USP34: variants seen among roughly 807,000 people sequenced by gnomAD.
USP34 encodes ubiquitin specific peptidase 34, also known as ubiquitin carboxyl-terminal hydrolase 34.
A neutral mutation model predicts 460.3 loss-of-function variants in USP34; 70 were observed. That is an observed-to-expected ratio of 0.15 (90% CI 0.13 to 0.19). The LOEUF is 0.19. Ranked by LOEUF, USP34 falls within the 10% of genes least tolerant of loss-of-function variation. USP34 has a pLI of 1.00. For synonymous variants in USP34, 1,647 were observed against 1,405.3 expected, an observed-to-expected ratio of 1.17 and a Z score of -3.85; for missense variants, 3,985 against 4,236.2, an observed-to-expected ratio of 0.94 and a Z score of 1.65.
At position 61,430,196 on chromosome 2, in the gene USP34, C is replaced by T. The variant is rs528011482; in HGVS notation, c.44-9363G>A. On this transcript the variant is annotated intron_variant, in intron 1 of 79. Coordinates refer to ENST00000398571, the MANE Select transcript of USP34 (RefSeq NM_014709.4). ...TGCCACTGCACTCCCGCCTGGGCGACAGAGCGAGTCTTCGTCACAAAAAAA... is the reference window on the plus strand; with the variant it reads ...TGCCACTGCACTCCCGCCTGGGCGATAGAGCGAGTCTTCGTCACAAAAAAA... Among the ~76,000 whole-genome samples, 239 of 132,210 alleles carry T rather than the reference C, an allele frequency of 1.8e-3. 1 individual carries two copies. Among genetic ancestry groups the T allele is most frequent in the Non-Finnish European group, 2.9e-3 (190 of 64,834 alleles). 86.7% of individuals were successfully genotyped at this position (132,210 alleles called of 152,430 possible).
chr2:61,342,834 T>C (rs1691648362), intron 16 of USP34, among the ~76,000 whole-genome samples: 1 of 152,134 alleles, frequency 6.6e-6, no homozygotes, highest in Admixed American at 6.5e-5. Flanking sequence ...CTCCACGCAG[T>C]AAAAAATAGG....
chr2:61,315,374 A>AT lies in USP34; in HGVS notation c.3283-401dup, dbSNP rs776500310. On this transcript the variant is annotated intron_variant, in intron 23 of 79. Coordinates refer to ENST00000398571, the MANE Select transcript of USP34 (RefSeq NM_014709.4). ...ATATGCTAACTCAAGTTCTCACCCA[A>AT]TTTTTTTTTTTTTTTGAGAACAGAG... 4.7e-3 allele frequency among the ~76,000 whole-genome samples: 681 copies of AT among 143,950 alleles called. 1 individual carries two copies. The highest frequency in any genetic ancestry group is 0.011 in the Middle Eastern group (3 of 280). The allele number at this position is 143,950 out of a possible 152,430, so 94.4% of individuals were successfully genotyped here. A position where few individuals can be genotyped will look rare whatever the true frequency, so the allele number is the denominator to read the frequency against.
chr2:61,204,294 T>C lies in USP34; in HGVS notation c.9346A>G (p.Asn3116Asp), dbSNP rs1375744491. 3 of 1,614,232 alleles carry C rather than the reference T, an allele frequency of 1.9e-6. No homozygotes were observed. The highest frequency in any genetic ancestry group is 2.5e-6 in the Non-Finnish European group (3 of 1,180,032). ...SNIRPPRPEL[N>D]MCLLPTMVET... ...ACCATTGTGGGCAAGAGGCACATATTGAGTTCAGGGCGCGGAGGCCGAATA... is the reference window on the plus strand; with the variant it reads ...ACCATTGTGGGCAAGAGGCACATATCGAGTTCAGGGCGCGGAGGCCGAATA... Residue 3116 changes from asparagine (N) to aspartate (D), a missense_variant, in exon 74 of 80, where the codon AAT becomes GAT. Physicochemically the swap from Asn to Asp is conservative, Grantham distance 23. This residue lies in a region of USP34 where 275 missense variants were observed against 292.7 expected (regional missense o/e 0.94). Transcript: ENST00000398571.
intron 10 of USP34, among the ~76,000 whole-genome samples, chr2:61,359,740 A>T (rs539061292): frequency 1.3e-5 from 2 of 150,354 alleles, no homozygotes; most frequent in East Asian, 3.9e-4. Context: ...GAAGGAACTT[A>T]CCTCAGCATA....
At chr2:61,236,881 A>G (rs1688084772) in intron 53 of USP34, among the ~76,000 whole-genome samples, 1 of 152,192 alleles carries the variant, frequency 6.6e-6, no homozygotes, top group Non-Finnish European at 1.5e-5. Flanking sequence ...TACCTTAAAT[A>G]TGACTTACAT....
At chr2:61,228,217 C>A (rs1168911025) in intron 61 of USP34, among the ~76,000 whole-genome samples, 2 of 152,166 alleles carry the variant, frequency 1.3e-5, no homozygotes, top group African/African-American at 4.8e-5. Context: ...GATCATACAA[C>A]CTAATGCATT....
intron 41 of USP34, among the ~76,000 whole-genome samples, chr2:61,268,580 TACC>T (rs926821792): frequency 6.6e-6 from 1 of 151,776 alleles, no homozygotes; most frequent in Non-Finnish European, 1.5e-5. Context: ...TCTTTTTTTA[TACC>T]CAGCATCAGG....
At chr2:61,435,359 C>T (rs548781309) in intron 1 of USP34, among the ~76,000 whole-genome samples, 64 of 85,850 alleles carry the variant, frequency 7.5e-4, no homozygotes, top group African/African-American at 2.8e-3. Context: ...AGAAAAGCAT[C>T]AAGTCACAAA....
At chr2:61,375,037 C>G (rs144602430) in intron 8 of USP34, among the ~76,000 whole-genome samples, 87 of 152,310 alleles carry the variant, frequency 5.7e-4, no homozygotes, top group Non-Finnish European at 1.1e-3. Flanking sequence ...ACACACAGAA[C>G]AGTCTGTAGT....
At chr2:61,463,832 T>G (rs1446226984) in intron 1 of USP34, among the ~76,000 whole-genome samples, 2 of 150,458 alleles carry the variant, frequency 1.3e-5, no homozygotes, top group East Asian at 3.9e-4. Flanking sequence ...AAAATTCCTT[T>G]TCAAAAAAAA....
At chr2:61,337,059 C>A (rs1032165413) in intron 18 of USP34, among the ~76,000 whole-genome samples, 3 of 152,052 alleles carry the variant, frequency 2.0e-5, no homozygotes, top group African/African-American at 7.2e-5. Context: ...AAAGAGGGCA[C>A]AGATCTAAGC....
intron 57 of USP34, among the ~76,000 whole-genome samples, chr2:61,234,211 A>G (rs1687998842): frequency 6.6e-6 from 1 of 152,242 alleles, no homozygotes; most frequent in African/African-American, 2.4e-5. Context: ...CTATTTCTAT[A>G]AGGTATAATC....
intron 44 of USP34, 85 bp downstream of exon 44, chr2:61,259,626 T>C: frequency 8.1e-7 from 1 of 1,237,628 alleles, no homozygotes; most frequent in Non-Finnish European, 1.2e-6. Context: ...ACTCAAGCCA[T>C]CCACCCACCT....
chr2:61,223,221 A>G, intron 63 of USP34, 27 bp downstream of exon 63: 1 of 1,613,768 alleles, frequency 6.2e-7, no homozygotes, highest in Non-Finnish European at 8.5e-7. Flanking sequence ...TGATGATCAA[A>G]TTGTCTAATA....
chr2:61,232,862 C>CA (rs1279385836), intron 57 of USP34, among the ~76,000 whole-genome samples: 71 of 94,476 alleles, frequency 7.5e-4, no homozygotes, highest in African/African-American at 2.8e-3. Flanking sequence ...ATATATATTC[C>CA]CCCCCCCCTT....
At chr2:61,359,142 G>A (rs1236011601) in intron 10 of USP34, among the ~76,000 whole-genome samples, 1 of 151,874 alleles carries the variant, frequency 6.6e-6, no homozygotes, top group Admixed American at 6.6e-5. Context: ...AGCCAGAACA[G>A]TCTGAAAAAG....
chr2:61,202,219 A>G (rs528267932), intron 75 of USP34, among the ~76,000 whole-genome samples: 2 of 152,346 alleles, frequency 1.3e-5, no homozygotes, highest in African/African-American at 4.8e-5. Flanking sequence ...GGAATGTATC[A>G]AAACCTTTTC....
intron 41 of USP34, chr2:61,277,932 G>A (rs1456910977): frequency 4.5e-6 from 2 of 447,064 alleles, no homozygotes; most frequent in East Asian, 3.8e-5. Context: ...TTTGCCTGCC[G>A]CCATCCACAT....
rs539466246 is a variant in USP34, at chr2:61,366,225, G to A, written c.1251+4096C>T. Reference sequence around the variant, plus strand: ...AGGCGTGAGCCACCACGCCCAGACAGTGAATACCTTTTTAAAATGTAATAG... The same window carrying A: ...AGGCGTGAGCCACCACGCCCAGACAATGAATACCTTTTTAAAATGTAATAG... On this transcript the variant is annotated intron_variant, in intron 10 of 79. Coordinates refer to ENST00000398571, the MANE Select transcript of USP34 (RefSeq NM_014709.4). Among the ~76,000 whole-genome samples, 7 of 152,254 alleles carry A rather than the reference G, an allele frequency of 4.6e-5. No homozygotes were observed. The South Asian group carries it at 1.5e-3, about 32-fold the overall frequency.
Sources: allele counts gnomAD v4.1 joint callset (sites outside exome capture counted in the v4.1 genomes callset), GRCh38; gene constraint gnomAD v4.1.1; regional missense constraint gnomAD v4.1.1; transcripts MANE v1.5; gene names NCBI Gene and HGNC (gene_info 2026-07-23, HGNC 2026-07-21).